LTBP4: variants seen among roughly 807,000 people sequenced by gnomAD.
LTBP4 encodes latent-transforming growth factor beta-binding protein 4.
In LTBP4, 93 loss-of-function variants were observed where a neutral mutation model predicts 180.2. That is an observed-to-expected ratio of 0.52 (90% CI 0.44 to 0.61). The LOEUF (loss-of-function observed/expected upper bound fraction) is 0.61. Ranked by LOEUF, LTBP4 falls within the 20% of genes least tolerant of loss-of-function variation. The pLI, the probability that LTBP4 is intolerant of heterozygous loss-of-function variation, is 0.00. For missense variants in LTBP4, 2,116 were observed against 2,256.5 expected (o/e 0.94, Z 1.26); for synonymous variants, 947 against 934.5 (o/e 1.01, Z -0.24).
chr19:40,607,260 A>AC, intron 6 of LTBP4, 105 bp from the exon 7 acceptor site: 2 of 361,878 alleles, frequency 5.5e-6, no homozygotes, highest in Non-Finnish European at 9.6e-6. Context: ...CGCACCCACC[A>AC]ACCCCCCACC....
chr19:40,602,733 G>A (rs1158909568), intron 1 of LTBP4, among the ~76,000 whole-genome samples: 1 of 152,260 alleles, frequency 6.6e-6, no homozygotes, highest in East Asian at 1.9e-4. Flanking sequence ...TCAACTCCCC[G>A]CTTGGCCAGG....
intron 12 of LTBP4, 96 bp downstream of exon 12, chr19:40,610,753 G>C (rs1009523758): frequency 1.7e-5 from 25 of 1,469,766 alleles, no homozygotes; most frequent in Non-Finnish European, 2.1e-5. Flanking sequence ...GGCAAAGCGA[G>C]TTGATTTGGA....
At chr19:40,608,404 C>A (rs765149037) in intron 8 of LTBP4, 35 bp downstream of exon 8, 2 of 1,606,528 alleles carry the variant, frequency 1.2e-6, no homozygotes, top group African/African-American at 1.3e-5. Flanking sequence ...GTGCCATCTT[C>A]AAGGGGCTGC....
rs778109559 is a variant in LTBP4, at chr19:40,627,809, C to A, written c.4471C>A (p.Arg1491Ser). The change falls in exon 29 of 30, where the codon CGT becomes AGT. Residue 1491 changes from arginine (R) to serine (S), a missense_variant. Transcript: ENST00000396819. ...GCGCGTCCCCGAAGGCTTCACCTGC[C>A]GTTGCTTCGACGGCTACCGCCTGGA... ...CVRVPEGFTC[R>S]CFDGYRLDMT... The A allele has an allele frequency of 1.9e-6, 3 of 1,572,568 alleles. No homozygotes were observed. The highest frequency in any genetic ancestry group is 2.3e-5 in the East Asian group (1 of 42,774).
intron 21 of LTBP4, among the ~76,000 whole-genome samples, chr19:40,618,314 C>T (rs887091241): frequency 1.0e-4 from 15 of 149,824 alleles, no homozygotes; most frequent in Admixed American, 8.7e-4. Context: ...GGCTGGAGTG[C>T]AATGGCATGA....
At chr19:40,627,943 C>A in intron 29 of LTBP4, 86 bp downstream of exon 29, 1 of 1,477,916 alleles carries the variant, frequency 6.8e-7, no homozygotes, top group South Asian at 1.3e-5. Context: ...GGGTGCTGGT[C>A]AGGGACGGGA....
chr19:40,624,652 G>T (rs149050099), intron 26 of LTBP4, among the ~76,000 whole-genome samples: 1 of 152,184 alleles, frequency 6.6e-6, no homozygotes, highest in Admixed American at 6.5e-5. Context: ...GCCTGCCTTG[G>T]CCTCCCAAAG....
Position 40,606,543 on chromosome 19 carries a change from G to C in LTBP4, c.991+17G>C, listed in dbSNP as rs779645027. On this transcript the variant is annotated intron_variant, in intron 6 of 29. Transcript: ENST00000396819. ...GCTGCATCTGTGAGCAACCAGCAGGGAGCTGAGGCTGGGTCCCGCCCTCCC... is the reference window on the plus strand; with the variant it reads ...GCTGCATCTGTGAGCAACCAGCAGGCAGCTGAGGCTGGGTCCCGCCCTCCC... 6.4e-7 allele frequency: 1 copy of C among 1,556,562 alleles called. No individual in the cohort carries two copies. The highest frequency in any genetic ancestry group is 8.7e-7 in the Non-Finnish European group (1 of 1,151,186).
At chr19:40,627,593 C>A in intron 28 of LTBP4, 112 bp from the exon 29 acceptor site, 2 of 1,410,714 alleles carry the variant, frequency 1.4e-6, no homozygotes, top group African/African-American at 1.4e-5. Flanking sequence ...AGCCCTGGAG[C>A]GGGATGGACA....
intron 28 of LTBP4, 70 bp from the exon 29 acceptor site, chr19:40,627,635 C>G (rs564492484): frequency 6.5e-7 from 1 of 1,529,844 alleles, no homozygotes; most frequent in South Asian, 1.2e-5. Context: ...GCCAAGGACG[C>G]GCACCCACCG....
At position 40,605,599 on chromosome 19, in the gene LTBP4, T is replaced by C. The variant is rs779119345; in HGVS notation, c.637T>C (p.Tyr213His). The C allele has an allele frequency of 1.8e-5, 28 of 1,599,504 alleles. 1 individual carries two copies. In the South Asian group the frequency reaches 2.8e-4, roughly 16 times the overall value. Residue 213 changes from tyrosine to histidine, a missense_variant, in exon 3 of 30, where the codon TAC (tyrosine) becomes CAC (histidine). Coordinates refer to ENST00000396819, the MANE Select transcript of LTBP4 (RefSeq NM_001042545.2). The surrounding 1 kb of genome is among the most constrained non-coding windows in gnomAD (Gnocchi z 5.5). ...LAQSAPREDGYSDASGFGYCF... is the reference protein window; with the variant it reads ...LAQSAPREDGHSDASGFGYCF... ...ACAGAGCGCGCCGCGGGAGGACGGCTACTCAGATGCCTCGGGCTTCGGTTA... is the reference window on the plus strand; with the variant it reads ...ACAGAGCGCGCCGCGGGAGGACGGCCACTCAGATGCCTCGGGCTTCGGTTA...
intron 1 of LTBP4, 67 bp downstream of exon 1, chr19:40,601,704 A>C: frequency 8.6e-7 from 1 of 1,161,418 alleles, no homozygotes; most frequent in East Asian, 3.2e-5. Flanking sequence ...GGGATGGAGG[A>C]GACAGTCCTC....
Position 40,613,056 on chromosome 19 carries a change from C to A in LTBP4, c.2300-9C>A, listed in dbSNP as rs1271805023. ...CTGGACCCTTTCTGAACACCCCCACCCCCCACAGATGTGGACGAATGCAGT... is the reference window on the plus strand; with the variant it reads ...CTGGACCCTTTCTGAACACCCCCACACCCCACAGATGTGGACGAATGCAGT... On this transcript the variant is annotated splice_polypyrimidine_tract_variant and intron_variant, in intron 15 of 29. Coordinates refer to ENST00000396819, the MANE Select transcript of LTBP4 (RefSeq NM_001042545.2). The surrounding 1 kb of genome is among the most constrained non-coding windows in gnomAD (Gnocchi z 5.0). 1 of 1,611,354 alleles carries A rather than the reference C, an allele frequency of 6.2e-7. No homozygotes were observed. The highest frequency in any genetic ancestry group is 2.2e-5 in the East Asian group (1 of 44,750).
chr19:40,626,422 T>A (rs2081634185), intron 27 of LTBP4, among the ~76,000 whole-genome samples: 1 of 151,712 alleles, frequency 6.6e-6, no homozygotes, highest in African/African-American at 2.4e-5. Flanking sequence ...GACCTCCAAG[T>A]CCCATTGCCT....
intron 9 of LTBP4, 175 bp downstream of exon 9, chr19:40,608,778 G>A: frequency 3.1e-6 from 2 of 645,290 alleles, no homozygotes; most frequent in Non-Finnish European, 5.1e-6. Flanking sequence ...GGGCGTGGTG[G>A]CAGATGCCTG....
chr19:40,610,550 G>T lies in LTBP4; in HGVS notation c.1703G>T (p.Arg568Leu). The change falls in exon 12 of 30, where the codon CGC (arginine) becomes CTC (leucine). Residue 568 changes from arginine (R) to leucine (L), a missense_variant. Arg to Leu is a moderately radical substitution (Grantham distance 102). Transcript: ENST00000396819. The stretch of plus-strand genomic sequence containing the variant: ...CCTACAGATGTGGACGAGTGCCACC[G>T]CGTGCCGCCGCCGTGTGACCTCGGG... ...AECLDVDECHRVPPPCDLGRC... is the reference protein window; with the variant it reads ...AECLDVDECHLVPPPCDLGRC... The T allele has an allele frequency of 6.3e-7, 1 of 1,593,648 alleles. No individual in the cohort carries two copies. The highest frequency in any genetic ancestry group is 8.5e-7 in the Non-Finnish European group (1 of 1,175,860).
In LTBP4 at chr19:40,608,337, G is replaced by T; in HGVS notation, c.1274G>T (p.Arg425Leu). 1 of 1,613,404 alleles carries T rather than the reference G, an allele frequency of 6.2e-7. No individual in the cohort carries two copies. Among genetic ancestry groups the T allele is most frequent in the Non-Finnish European group, 8.5e-7 (1 of 1,179,764 alleles). Residue 425 changes from arginine (R) to leucine (L), a missense_variant, in exon 8 of 30, where the codon CGT becomes CTT. Coordinates refer to ENST00000396819, the MANE Select transcript of LTBP4 (RefSeq NM_001042545.2). ...CCCCGAGTGTCACTCAGCCAGCCTC[G>T]TACCCTGCCAGCCACCTCTCGGCCA... ...EPPRVSLSQPRTLPATSRPSA... is the reference protein window; with the variant it reads ...EPPRVSLSQPLTLPATSRPSA...
At chr19:40,614,869 C>G (rs2081535851) in intron 19 of LTBP4, among the ~76,000 whole-genome samples, 1 of 152,188 alleles carries the variant, frequency 6.6e-6, no homozygotes, top group Non-Finnish European at 1.5e-5. Context: ...CAAAGAGGCC[C>G]AATCCCGGTG....
intron 22 of LTBP4, among the ~76,000 whole-genome samples, chr19:40,620,659 C>T (rs2081580241): frequency 6.6e-6 from 1 of 150,548 alleles, no homozygotes; most frequent in African/African-American, 2.4e-5. Flanking sequence ...GCCTGTAATC[C>T]CAGCTATTCG....
Sources: allele counts gnomAD v4.1 joint callset (sites outside exome capture counted in the v4.1 genomes callset), GRCh38; gene constraint gnomAD v4.1.1; non-coding constraint Gnocchi (gnomAD v3.1); transcripts MANE v1.5; gene names NCBI Gene and HGNC (gene_info 2026-07-23, HGNC 2026-07-21).